The following WDR46 variants were observed in gnomAD, a reference collection of about 807,000 sequenced individuals.
WDR46 encodes the protein WD repeat domain 46.
Under a neutral mutation model 74.7 loss-of-function variants are expected in WDR46, and 58 were observed. The ratio of observed to expected loss-of-function variants is 0.78; its 90% confidence interval spans 0.63 to 0.97. The LOEUF (loss-of-function observed/expected upper bound fraction) is 0.97. WDR46 is among the 50% of genes least tolerant of loss of function. The pLI, the probability that WDR46 is intolerant of heterozygous loss-of-function variation, is 0.00. For synonymous variants in WDR46, 278 were observed against 297.3 expected (o/e 0.93, Z 0.67); for missense variants, 702 against 790.1 (o/e 0.89, Z 1.34).
intron 7 of WDR46, 36 bp downstream of exon 7, chr6:33,287,578 T>C: frequency 6.2e-7 from 1 of 1,613,574 alleles, no homozygotes; most frequent in Non-Finnish European, 8.5e-7. Context: ...ATGGACTATC[T>C]CACCCCAACT....
chr6:33,287,743 G>T, intron 6 of WDR46, 25 bp from the exon 7 acceptor site: 1 of 1,611,798 alleles, frequency 6.2e-7, no homozygotes. Context: ...GGGCAGGCAG[G>T]GTGTTAAGGC....
intron 12 of WDR46, 87 bp downstream of exon 12, chr6:33,280,341 G>C: frequency 2.1e-6 from 3 of 1,420,148 alleles, no homozygotes; most frequent in Non-Finnish European, 2.9e-6. Context: ...CTCCAGGAAG[G>C]AGGAACCTCA....
At position 33,288,829 on chromosome 6, in the gene WDR46, G is replaced by C. The variant is rs1335347426; in HGVS notation, c.254C>G (p.Pro85Arg). 2 of 1,614,104 alleles carry C rather than the reference G, an allele frequency of 1.2e-6. No individual in the cohort carries two copies. The highest frequency in any genetic ancestry group is 8.5e-7 in the Non-Finnish European group (1 of 1,180,024). ...CCCGGACAAGCCGCGCTGGGACTCC[G>C]GGTTCTTCCATTCTCGGGGTTTCTT... is the stretch of plus-strand genomic sequence containing the variant. Reference protein sequence around the residue: ...VPKKPREWKNPESQRGLSGTQ... With the variant: ...VPKKPREWKNRESQRGLSGTQ... The change falls in exon 2 of 15, where the codon CCG (proline) becomes CGG (arginine). Residue 85 changes from proline (P) to arginine (R), a missense_variant. Pro to Arg is a moderately radical substitution (Grantham distance 103, BLOSUM62 -2). Transcript: ENST00000374617.
intron 12 of WDR46, 103 bp from the exon 13 acceptor site, chr6:33,279,962 C>T: frequency 9.4e-7 from 1 of 1,060,180 alleles, no homozygotes; most frequent in Admixed American, 2.5e-5. Context: ...CCAAGACCCC[C>T]AGCATGAGAC....
intron 13 of WDR46, 51 bp from the exon 14 acceptor site, chr6:33,279,661 C>T (rs745577241): frequency 1.2e-6 from 2 of 1,613,012 alleles, no homozygotes; most frequent in Admixed American, 3.3e-5. Flanking sequence ...AGTCAGGGAA[C>T]TGGCAGCACC....
chr6:33,288,969 G>T lies in WDR46; in HGVS notation c.114C>A (p.Ala38=). ...TACGAGGAGGCCCTGGAGAGGCTCC[G>T]GCTGTGGTCGGAACGGTCTCTTCCT... ...YWEEETVPTT[A]GASPGPPRNK... Residue 38 remains alanine, a synonymous_variant, in exon 2 of 15, where the codon GCC becomes GCA. Coordinates refer to ENST00000374617, the MANE Select transcript of WDR46 (RefSeq NM_005452.6). 6.2e-7 allele frequency: 1 copy of T among 1,614,050 alleles called. No individual in the cohort carries two copies. The highest frequency in any genetic ancestry group is 8.5e-7 in the Non-Finnish European group (1 of 1,180,014).
Position 33,289,196 on chromosome 6 carries a change from G to T in WDR46, c.-26C>A. The T allele has an allele frequency of 6.2e-7, 1 of 1,601,728 alleles. No homozygotes were observed. On this transcript the variant is annotated 5_prime_UTR_variant, in exon 1 of 15. Transcript: ENST00000374617. Reference sequence around the variant, plus strand: ...CTCGCCCACCCGAACGGCGATCCACGTGCAAAACTCCTCTCAGCTGCCACA... The same window carrying T: ...CTCGCCCACCCGAACGGCGATCCACTTGCAAAACTCCTCTCAGCTGCCACA...
intron 11 of WDR46, 33 bp downstream of exon 11, chr6:33,280,641 T>C (rs367655689): frequency 1.9e-6 from 3 of 1,591,574 alleles, no homozygotes; most frequent in Non-Finnish European, 2.6e-6. Context: ...CCAGAGTTCA[T>C]TCACTTCAAG....
At position 33,279,324 on chromosome 6, in the gene WDR46, G is replaced by A; in HGVS notation, c.1785C>T (p.Ala595=). ...LQQQHHKEAK[A]KPTGARPSAL... is the part of the protein sequence containing the mutation. The stretch of plus-strand genomic sequence containing the variant: ...CAGATGGCCGGGCCCCCGTGGGCTT[G>A]GCCTTCGCCTCCTTATGATGCTGCT... Residue 595 remains alanine (A), a synonymous_variant, in exon 15 of 15, where the codon GCC becomes GCT. Coordinates refer to ENST00000374617, the MANE Select transcript of WDR46 (RefSeq NM_005452.6). 2 of 1,614,232 alleles carry A rather than the reference G, an allele frequency of 1.2e-6. No individual in the cohort carries two copies. The highest frequency in any genetic ancestry group is 1.7e-6 in the Non-Finnish European group (2 of 1,180,050).
At position 33,288,446 on chromosome 6, in the gene WDR46, G is replaced by C. The variant is rs773625139; in HGVS notation, c.385C>G (p.Arg129Gly). 15 of 1,614,114 alleles carry C rather than the reference G, an allele frequency of 9.3e-6. No individual in the cohort carries two copies. Among genetic ancestry groups the C allele is most frequent in the Non-Finnish European group, 1.3e-5 (15 of 1,180,034 alleles). Residue 129 changes from arginine (R) to glycine (G), a missense_variant, in exon 4 of 15, where the codon CGA (arginine) becomes GGA (glycine). By Grantham distance (125) the Arg-to-Gly change is moderately radical. Coordinates refer to ENST00000374617, the MANE Select transcript of WDR46 (RefSeq NM_005452.6). ...GCTTCAGCCACCTCAAGTCGGCTTC[G>C]AGTTTTGGCTTTAGAATGTGGTAGC... ...RKLPHSKAKT[R>G]SRLEVAEAEE...
At chr6:33,280,368 G>A in intron 12 of WDR46, 60 bp downstream of exon 12, 2 of 1,530,470 alleles carry the variant, frequency 1.3e-6, no homozygotes, top group Non-Finnish European at 1.8e-6. Flanking sequence ...CCAGGACGGG[G>A]GAACCTGACC....
intron 10 of WDR46, among the ~76,000 whole-genome samples, chr6:33,283,648 C>T (rs1272070758): frequency 2.0e-5 from 3 of 152,130 alleles, no homozygotes; most frequent in Non-Finnish European, 2.9e-5. Context: ...GCCTGTAATC[C>T]CAGCACTTTG....
At position 33,279,859 on chromosome 6, in the gene WDR46, C is replaced by G; in HGVS notation, c.1525G>C (p.Val509Leu). The G allele has an allele frequency of 6.2e-7, 1 of 1,613,918 alleles. No homozygotes were observed. The highest frequency in any genetic ancestry group is 8.5e-7 in the Non-Finnish European group (1 of 1,179,922). The change falls in exon 13 of 15, where the codon GTA becomes CTA. Residue 509 changes from valine to leucine, a missense_variant and splice_region_variant. By Grantham distance (32) the Val-to-Leu change is conservative. Coordinates refer to ENST00000374617, the MANE Select transcript of WDR46 (RefSeq NM_005452.6). ...EWEVKALLEK[V>L]PAELICLDPR... The stretch of plus-strand genomic sequence containing the variant: ...TCCAGACAAATAAGCTCTGCAGGTA[C>G]CTGGGGGTGTCACAGAGGGACAGGA...
In WDR46 at chr6:33,288,044, GA is replaced by G. The variant is rs760274083; in HGVS notation, c.562-19del. On this transcript the variant is annotated intron_variant, in intron 5 of 14. Coordinates refer to ENST00000374617, the MANE Select transcript of WDR46 (RefSeq NM_005452.6). ...TCAAAGTGCTGGGAAAGAGAAGAGT[GA>G]AAAAAAAGAGTGCCCTGCAGTAACG... The G allele has an allele frequency of 1.2e-6, 2 of 1,613,546 alleles. No homozygotes were observed. Among genetic ancestry groups the G allele is most frequent in the Non-Finnish European group, 1.7e-6 (2 of 1,179,736 alleles).
At chr6:33,284,050 T>C (rs467274) in intron 10 of WDR46, among the ~76,000 whole-genome samples, 144,166 of 152,222 alleles carry the variant, frequency 0.95, 68,397 homozygotes, top group East Asian at 1. Flanking sequence ...GAGTTCAAGA[T>C]CAGCCTGGCC....
chr6:33,286,902 A>T lies in WDR46; in HGVS notation c.1016-8T>A. The T allele has an allele frequency of 6.2e-7, 1 of 1,613,892 alleles. No homozygotes were observed. The highest frequency in any genetic ancestry group is 8.5e-7 in the Non-Finnish European group (1 of 1,179,886). On this transcript the variant is annotated splice_polypyrimidine_tract_variant and splice_region_variant and intron_variant, in intron 9 of 14. Coordinates refer to ENST00000374617, the MANE Select transcript of WDR46 (RefSeq NM_005452.6). ...TCCATAAAGACACAGTACCTGGAAG[A>T]GAAGAAGAACCAAAGTTGCTAATAC...
At position 33,279,787 on chromosome 6, in the gene WDR46, T is replaced by C. The variant is rs1334200400; in HGVS notation, c.1597A>G (p.Lys533Glu). The change falls in exon 13 of 15, where the codon AAG (lysine) becomes GAG (glutamate). Residue 533 changes from lysine to glutamate, a missense_variant. Coordinates refer to ENST00000374617, the MANE Select transcript of WDR46 (RefSeq NM_005452.6). Reference sequence around the variant, plus strand: ...ACCAGCCTCTCTATCTGCTCCTTCTTTCCCTGCTCCAGGGAGATGACATCC... The same window carrying C: ...ACCAGCCTCTCTATCTGCTCCTTCTCTCCCTGCTCCAGGGAGATGACATCC... The part of the protein sequence containing the change: ...EVDVISLEQG[K>E]KEQIERLGYD... 4.3e-6 allele frequency: 7 copies of C among 1,614,086 alleles called. No individual in the cohort carries two copies. The highest frequency in any genetic ancestry group is 5.9e-6 in the Non-Finnish European group (7 of 1,179,982).
intron 10 of WDR46, among the ~76,000 whole-genome samples, chr6:33,283,362 A>G (rs1365483449): frequency 6.6e-6 from 1 of 152,018 alleles, no homozygotes; most frequent in Non-Finnish European, 1.5e-5. Context: ...AGGTTGAGGT[A>G]GGAGGACCGC....
At position 33,288,391 on chromosome 6, in the gene WDR46, G is replaced by A. The variant is rs1431202215; in HGVS notation, c.440C>T (p.Ala147Val). The A allele has an allele frequency of 6.2e-7, 1 of 1,614,206 alleles. No individual in the cohort carries two copies. The highest frequency in any genetic ancestry group is 1.7e-5 in the Admixed American group (1 of 60,030). Residue 147 changes from alanine (A) to valine (V), a missense_variant, in exon 4 of 15, where the codon GCT becomes GTT. Transcript: ENST00000374617. ...TTCAGCAAGCAGCAGCTCAGAACGA[G>A]CAGCTTTGATACTTGTTTCCTCTTC... ...AEEEETSIKA[A>V]RSELLLAEEP...
Sources: gnomAD v4.1 joint callset for allele counts (sites outside exome capture counted in the v4.1 genomes callset) on GRCh38, gnomAD v4.1.1 for gene constraint, MANE v1.5 for transcripts, NCBI Gene and HGNC (gene_info 2026-07-23, HGNC 2026-07-21) for gene names.